Variants in GATB observed in about 807,000 individuals in gnomAD.
GATB encodes glutamyl-tRNA amidotransferase subunit B, also known as glutamyl-tRNA(Gln) amidotransferase subunit B, mitochondrial.
A neutral mutation model predicts 62.3 loss-of-function variants in GATB; 39 were observed. The observed-to-expected ratio is 0.63, with a 90% confidence interval of 0.48 to 0.82. GATB has a LOEUF of 0.82. Among genes scored for constraint, GATB ranks in the 40% least tolerant of loss-of-function variants. The pLI, the probability that GATB is intolerant of heterozygous loss-of-function variation, is 0.00. For synonymous variants in GATB, 276 were observed against 258.9 expected (o/e 1.07, Z -0.63); for missense variants, 670 against 684.0 (o/e 0.98, Z 0.23).
At chr4:151,687,789 T>G (rs1738281549) in intron 10 of GATB, among the ~76,000 whole-genome samples, 1 of 152,124 alleles carries the variant, frequency 6.6e-6, no homozygotes. Context: ...TGTGAGGACA[T>G]CTGTGAGCCA....
At chr4:151,745,446 G>A (rs115232278) in intron 2 of GATB, among the ~76,000 whole-genome samples, 1,921 of 152,252 alleles carry the variant, frequency 0.013, 39 homozygotes, top group African/African-American at 0.044. Flanking sequence ...GTTCAGAGTC[G>A]GAATGCTGCA....
At chr4:151,757,467 A>ATTTTT (rs745311470) in intron 2 of GATB, among the ~76,000 whole-genome samples, 5 of 103,820 alleles carry the variant, frequency 4.8e-5, no homozygotes, top group African/African-American at 8.0e-5. Flanking sequence ...CAGCTTCCAG[A>ATTTTT]TTTTTTTTTT....
At position 151,760,947 on chromosome 4, in the gene GATB, T is replaced by A. The variant is rs772678895; in HGVS notation, c.36A>T (p.Gly12=). ...CAACCCGGGCGAAAGCCCAACGTCTTCCACGGCAGCCCCAGCGCAGCATGG... is the reference window on the plus strand; with the variant it reads ...CAACCCGGGCGAAAGCCCAACGTCTACCACGGCAGCCCCAGCGCAGCATGG... ...AAPMLRWGCR[G]RRWAFARVDG... The change falls in exon 1 of 13, where the codon GGA becomes GGT. Residue 12 remains glycine, a synonymous_variant. Coordinates refer to ENST00000263985, the MANE Select transcript of GATB (RefSeq NM_004564.3). 2.5e-6 allele frequency: 4 copies of A among 1,613,264 alleles called. No individual in the cohort carries two copies. The highest frequency in any genetic ancestry group is 2.5e-6 in the Non-Finnish European group (3 of 1,179,846).
intron 7 of GATB, 102 bp downstream of exon 7, chr4:151,705,083 G>T: frequency 1.4e-6 from 1 of 732,818 alleles, no homozygotes; most frequent in Non-Finnish European, 2.4e-6. Flanking sequence ...AAGTGGAGAC[G>T]CTACGTGCCT....
chr4:151,675,995 A>G (rs7671456), intron 11 of GATB: 16,846 of 152,320 alleles, frequency 0.11, 986 homozygotes, highest in African/African-American at 0.13. Flanking sequence ...TGGGTTTCCA[A>G]GGTCAGGATA....
chr4:151,739,297 G>T (rs1739438228), intron 2 of GATB, among the ~76,000 whole-genome samples: 1 of 152,160 alleles, frequency 6.6e-6, no homozygotes, highest in Non-Finnish European at 1.5e-5. Context: ...AGGCTCACTA[G>T]CAAGAATCCT....
rs144353530 is a variant in GATB, at chr4:151,719,287, C to T, written c.441+138G>A. 5.1e-3 allele frequency: 3,140 copies of T among 619,748 alleles called. 74 individuals carry two copies. In the African/African-American group the frequency reaches 0.051, roughly 10 times the overall value. 38.4% of individuals were successfully genotyped at this position (619,748 alleles called of 1,614,324 possible). A position where few individuals can be genotyped will look rare whatever the true frequency, so the allele number is the denominator to read the frequency against. On this transcript the variant is annotated intron_variant, in intron 3 of 12. Coordinates refer to ENST00000263985, the MANE Select transcript of GATB (RefSeq NM_004564.3). ...GCACCTGCCTGCATCAGGGCTGGGC[C>T]GAACTTCCTGCTGGGATGGACACAG...
intron 10 of GATB, among the ~76,000 whole-genome samples, chr4:151,687,577 C>T (rs938438510): frequency 2.0e-5 from 3 of 152,204 alleles, no homozygotes; most frequent in South Asian, 4.1e-4. Flanking sequence ...TGCTCTCAGA[C>T]GCTGAATATT....
intron 2 of GATB, among the ~76,000 whole-genome samples, chr4:151,757,166 C>G (rs1739847584): frequency 6.6e-6 from 1 of 152,096 alleles, no homozygotes; most frequent in South Asian, 2.1e-4. Flanking sequence ...AAAATCTTTC[C>G]ATAGATAGAT....
rs1739230516 is a variant in GATB at position 151,730,881 on chromosome 4, C to A, written c.328-11343G>T. On this transcript the variant is annotated intron_variant, in intron 2 of 12. Coordinates refer to ENST00000263985, the MANE Select transcript of GATB (RefSeq NM_004564.3). This position sits in a 1 kb window ranked among gnomAD's most constrained non-coding sequence, Gnocchi z 4.1. ...CAAAACAAGGCTTTTCAACACTCCC[C>A]CAAAATCACACTAGTTTACCAGCAA... Among the ~76,000 whole-genome samples the A allele has an allele frequency of 6.6e-6, 1 of 152,130 alleles. No individual in the cohort carries two copies. The highest frequency in any genetic ancestry group is 1.5e-5 in the Non-Finnish European group (1 of 68,026).
At chr4:151,692,356 G>A (rs186015318) in intron 9 of GATB, among the ~76,000 whole-genome samples, 4 of 152,302 alleles carry the variant, frequency 2.6e-5, no homozygotes, top group Non-Finnish European at 5.9e-5. Context: ...AGTGCCAGGC[G>A]CAATGGGAGG....
intron 8 of GATB, among the ~76,000 whole-genome samples, chr4:151,702,687 T>C (rs1738629717): frequency 6.6e-6 from 1 of 152,186 alleles, no homozygotes; most frequent in Non-Finnish European, 1.5e-5. Flanking sequence ...TTAATTTTTT[T>C]AAGTGTCAAA....
At chr4:151,759,358 T>C (rs1236637464) in intron 1 of GATB, among the ~76,000 whole-genome samples, 1 of 152,210 alleles carries the variant, frequency 6.6e-6, no homozygotes, top group African/African-American at 2.4e-5. Flanking sequence ...TTAACATAAA[T>C]GGCAACATTC....
chr4:151,689,748 G>A (rs568026161), intron 9 of GATB, among the ~76,000 whole-genome samples: 37 of 152,074 alleles, frequency 2.4e-4, no homozygotes, highest in African/African-American at 3.4e-4. Context: ...CACATGAGGC[G>A]CGCATTCTTA....
chr4:151,744,266 G>C (rs907655390), intron 2 of GATB, among the ~76,000 whole-genome samples: 1 of 152,184 alleles, frequency 6.6e-6, no homozygotes, highest in Non-Finnish European at 1.5e-5. Context: ...GTATGTACGT[G>C]TATGCAAGTA....
chr4:151,719,278 G>T, intron 3 of GATB, 147 bp downstream of exon 3: 2 of 592,544 alleles, frequency 3.4e-6, no homozygotes, highest in Admixed American at 3.3e-5. Context: ...GCCTGCATCA[G>T]GGCTGGGCCG....
At chr4:151,707,864 A>T (rs551797421) in intron 6 of GATB, 124 bp downstream of exon 6, 7 of 656,786 alleles carry the variant, frequency 1.1e-5, no homozygotes, top group Admixed American at 2.5e-5. Flanking sequence ...CACAGGACCA[A>T]CAGAACGGAC....
At chr4:151,695,852 G>A (rs1005693447) in intron 9 of GATB, among the ~76,000 whole-genome samples, 1 of 152,036 alleles carries the variant, frequency 6.6e-6, no homozygotes, top group Non-Finnish European at 1.5e-5. Flanking sequence ...TGAATTTCTG[G>A]GCTCGAGCAA....
intron 10 of GATB, among the ~76,000 whole-genome samples, chr4:151,686,652 G>GCCCCCCCC (rs374250502): frequency 1.8e-4 from 13 of 70,970 alleles, no homozygotes; most frequent in African/African-American, 3.2e-4. Context: ...TCCCCGCCCC[G>GCCCCCCCC]CCCCCCCCCC....
Sources: gnomAD v4.1 joint callset for allele counts (sites outside exome capture counted in the v4.1 genomes callset) on GRCh38, gnomAD v4.1.1 for gene constraint, Gnocchi (gnomAD v3.1) non-coding constraint, MANE v1.5 for transcripts, NCBI Gene and HGNC (gene_info 2026-07-23, HGNC 2026-07-21) for gene names.